The following XDH variants were observed in gnomAD, a reference collection of about 807,000 sequenced individuals.
XDH encodes xanthine dehydrogenase.
In XDH, 138 loss-of-function variants were observed where a neutral mutation model predicts 156.1. That is an observed-to-expected ratio of 0.88 (90% confidence interval 0.77 to 1.02). The LOEUF is 1.02. Ranked by LOEUF, XDH falls within the 50% of genes least tolerant of loss-of-function variation. XDH has a pLI of 0.00. For synonymous variants in XDH, 669 were observed against 625.7 expected, an observed-to-expected ratio of 1.07 and a Z score of -1.03; for missense variants, 1,849 against 1,684.9, an observed-to-expected ratio of 1.10 and a Z score of -1.71.
chr2:31,378,532 C>T (rs1686341652), intron 13 of XDH, among the ~76,000 whole-genome samples: 1 of 152,100 alleles, frequency 6.6e-6, no homozygotes, highest in East Asian at 1.9e-4. Flanking sequence ...AGCCATGGAG[C>T]CCGCTCCTGA....
At chr2:31,338,013 T>A (rs765196452) in intron 34 of XDH, among the ~76,000 whole-genome samples, 196 bp from the exon 35 acceptor site, 1 of 152,210 alleles carries the variant, frequency 6.6e-6, no homozygotes, top group East Asian at 1.9e-4. Flanking sequence ...ACAATCAAGC[T>A]AGTACATGAC....
rs551034527 is a variant in XDH, at chr2:31,359,270, C to T, written c.2631+4888G>A. 4.0e-5 allele frequency among the ~76,000 whole-genome samples: 6 copies of T among 151,390 alleles called. No homozygotes were observed. In the East Asian group the frequency reaches 1.2e-3, roughly 29 times the overall value. Reference sequence around the variant, plus strand: ...AAAATCAATAGAAATTAGGTAGATCCATTTATTTTTTAAATACAAGAATAG... The same window carrying T: ...AAAATCAATAGAAATTAGGTAGATCTATTTATTTTTTAAATACAAGAATAG... On this transcript the variant is annotated intron_variant, in intron 24 of 35. Coordinates refer to ENST00000379416, the MANE Select transcript of XDH (RefSeq NM_000379.4).
chr2:31,349,027 G>A, intron 26 of XDH, 47 bp from the exon 27 acceptor site: 1 of 1,557,162 alleles, frequency 6.4e-7, no homozygotes, highest in Non-Finnish European at 8.8e-7. Context: ...ATCATATTGA[G>A]GACATGAATA....
chr2:31,347,457 G>C (rs1229469828), intron 29 of XDH, 65 bp downstream of exon 29: 4 of 1,609,914 alleles, frequency 2.5e-6, no homozygotes, highest in Non-Finnish European at 3.4e-6. Context: ...CCCACCCAGG[G>C]AGACTCTCCA....
chr2:31,337,935 G>T, intron 34 of XDH, 118 bp from the exon 35 acceptor site: 1 of 1,097,678 alleles, frequency 9.1e-7, no homozygotes, highest in Non-Finnish European at 1.3e-6. Context: ...GTGGCACCAG[G>T]AAAGCACTGA....
intron 33 of XDH, 61 bp downstream of exon 33, chr2:31,341,268 G>A (rs1326263588): frequency 1.2e-5 from 17 of 1,469,092 alleles, no homozygotes; most frequent in Admixed American, 2.0e-5. Flanking sequence ...GTGGCCCCAG[G>A]AGGGGAATGG....
intron 24 of XDH, among the ~76,000 whole-genome samples, chr2:31,362,204 T>C (rs1326787843): frequency 1.4e-4 from 22 of 152,332 alleles, no homozygotes; most frequent in Non-Finnish European, 5.9e-5. Flanking sequence ...GAAGGTGCTA[T>C]GTTCGAGGCA....
chr2:31,404,724 G>A (rs953958300), intron 2 of XDH, among the ~76,000 whole-genome samples: 2 of 152,022 alleles, frequency 1.3e-5, no homozygotes, highest in Non-Finnish European at 2.9e-5. Flanking sequence ...CACCTGATCC[G>A]ATCTAGTGAC....
chr2:31,383,490 C>G (rs1171056108), intron 10 of XDH, among the ~76,000 whole-genome samples: 2 of 151,950 alleles, frequency 1.3e-5, no homozygotes, highest in Non-Finnish European at 2.9e-5. Flanking sequence ...CACCTCCCCA[C>G]CCCCGCATGA....
At chr2:31,349,095 C>T in intron 26 of XDH, 115 bp from the exon 27 acceptor site, 1 of 1,008,982 alleles carries the variant, frequency 9.9e-7, no homozygotes, top group South Asian at 1.4e-5. Context: ...AAGATGAGAA[C>T]AGTCAGCTGG....
Position 31,368,855 on chromosome 2 carries a change from T to C in XDH, c.1981-195A>G, listed in dbSNP as rs550412783. 2.0e-5 allele frequency among the ~76,000 whole-genome samples: 3 copies of C among 152,292 alleles called. No homozygotes were observed. The East Asian group carries it at 5.8e-4, about 29-fold the overall frequency. On this transcript the variant is annotated intron_variant, in intron 18 of 35. Transcript: ENST00000379416. ...GGATCAAGATGGCAAACACATTTCATCTCAAGGGCCAATTCTGAGTATTTA... is the reference window on the plus strand; with the variant it reads ...GGATCAAGATGGCAAACACATTTCACCTCAAGGGCCAATTCTGAGTATTTA...
intron 1 of XDH, among the ~76,000 whole-genome samples, chr2:31,411,043 G>A (rs1300694811): frequency 2.6e-5 from 4 of 151,974 alleles, no homozygotes; most frequent in Non-Finnish European, 5.9e-5. Flanking sequence ...CCAGCACTTT[G>A]GGAGGCCGAG....
chr2:31,346,809 G>T lies in XDH; in HGVS notation c.3311C>A (p.Pro1104His). ...ACQTILKRLEPYKKKNPSGSW... is the reference protein window; with the variant it reads ...ACQTILKRLEHYKKKNPSGSW... The stretch of plus-strand genomic sequence containing the variant: ...GCCACTGGGATTCTTCTTCTTGTAG[G>T]GTTCCAGCCTTTTCAAGATGGTCTG... The change falls in exon 30 of 36, where the codon CCC (proline) becomes CAC (histidine). Residue 1104 changes from proline (P) to histidine (H), a missense_variant. Coordinates refer to ENST00000379416, the MANE Select transcript of XDH (RefSeq NM_000379.4). The T allele has an allele frequency of 6.2e-7, 1 of 1,614,062 alleles. No individual in the cohort carries two copies. Among genetic ancestry groups the T allele is most frequent in the Non-Finnish European group, 8.5e-7 (1 of 1,180,004 alleles).
intron 13 of XDH, among the ~76,000 whole-genome samples, chr2:31,379,561 T>C (rs541715026): frequency 6.6e-6 from 1 of 152,270 alleles, no homozygotes; most frequent in South Asian, 2.1e-4. Flanking sequence ...GTATAGTAAG[T>C]GACATGGTGC....
At chr2:31,352,589 C>T (rs1685514959) in intron 24 of XDH, among the ~76,000 whole-genome samples, 1 of 152,182 alleles carries the variant, frequency 6.6e-6, no homozygotes, top group Non-Finnish European at 1.5e-5. Flanking sequence ...AATGTCATAG[C>T]CTTCCTTATG....
Position 31,364,182 on chromosome 2 carries a change from C to G in XDH, c.2607G>C (p.Gly869=). 6.2e-7 allele frequency: 1 copy of G among 1,614,074 alleles called. No individual in the cohort carries two copies. The highest frequency in any genetic ancestry group is 1.1e-5 in the South Asian group (1 of 91,074). ...CACTCTGAGAGAGATCCTGGGTGTT[C>G]CCCACATTGCTGAAGTGGTCCACCT... ...ALEVDHFSNV[G]NTQDLSQSIM... The change falls in exon 24 of 36, where the codon GGG becomes GGC. Residue 869 remains glycine (G), a synonymous_variant. Coordinates refer to ENST00000379416, the MANE Select transcript of XDH (RefSeq NM_000379.4).
chr2:31,393,818 T>C (rs1433885303), intron 6 of XDH, among the ~76,000 whole-genome samples: 1 of 146,800 alleles, frequency 6.8e-6, no homozygotes, highest in Non-Finnish European at 1.5e-5. Flanking sequence ...TTTTTTCTGG[T>C]AGTTGCCCTA....
intron 31 of XDH, among the ~76,000 whole-genome samples, chr2:31,343,311 T>TATATATATATATGCATGTTTATAC (rs1558675311): frequency 4.6e-5 from 4 of 86,158 alleles, no homozygotes; most frequent in African/African-American, 2.2e-4. Flanking sequence ...TATATATATA[T>TATATATATATATGCATGTTTATAC]ATATATATAT....
chr2:31,341,422 G>C, intron 32 of XDH, 28 bp from the exon 33 acceptor site: 1 of 1,556,420 alleles, frequency 6.4e-7, no homozygotes, highest in Non-Finnish European at 8.7e-7. Flanking sequence ...ATTACAAGAA[G>C]TTAGAGGAGG....
Sources: gnomAD v4.1 joint callset for allele counts (sites outside exome capture counted in the v4.1 genomes callset) on GRCh38, gnomAD v4.1.1 for gene constraint, MANE v1.5 for transcripts, NCBI Gene and HGNC (gene_info 2026-07-23, HGNC 2026-07-21) for gene names.